PELI2: variants seen among roughly 807,000 people sequenced by gnomAD.
PELI2 encodes E3 ubiquitin-protein ligase pellino homolog 2.
PELI2 carries 23 observed loss-of-function variants against 42.3 expected under a neutral mutation model. That is an observed-to-expected ratio of 0.54 (90% CI 0.39 to 0.77). PELI2 has a LOEUF of 0.77. Ranked by LOEUF, PELI2 falls within the 30% of genes least tolerant of loss-of-function variation. PELI2 has a pLI of 0.00. For missense variants in PELI2, 463 were observed against 553.2 expected, an observed-to-expected ratio of 0.84 and a Z score of 1.64; for synonymous variants, 245 against 212.2, an observed-to-expected ratio of 1.15 and a Z score of -1.34.
At chr14:56,119,439 C>T (rs1315605456) in intron 1 of PELI2, among the ~76,000 whole-genome samples, 2 of 152,138 alleles carry the variant, frequency 1.3e-5, no homozygotes, top group South Asian at 4.1e-4. Context: ...GGCACCGGGG[C>T]GCGGGCCGTA....
At chr14:56,259,356 A>G (rs1049211340) in intron 2 of PELI2, among the ~76,000 whole-genome samples, 1 of 152,170 alleles carries the variant, frequency 6.6e-6, no homozygotes, top group Non-Finnish European at 1.5e-5. Flanking sequence ...TTAAAAGAAT[A>G]TTGACTTTTA....
intron 1 of PELI2, among the ~76,000 whole-genome samples, chr14:56,122,511 A>G (rs1566592148): frequency 6.6e-6 from 1 of 152,084 alleles, no homozygotes; most frequent in African/African-American, 2.4e-5. Flanking sequence ...TTGCTGACTA[A>G]TGGCCCATGG....
intron 2 of PELI2, among the ~76,000 whole-genome samples, chr14:56,258,141 C>G (rs1456158629): frequency 6.6e-6 from 1 of 152,128 alleles, no homozygotes; most frequent in Non-Finnish European, 1.5e-5. Context: ...AGAGTGTCAC[C>G]TTAGTAATGA....
Position 56,288,432 on chromosome 14 carries a change from C to T in PELI2, c.310-5C>T. The T allele has an allele frequency of 6.2e-7, 1 of 1,611,430 alleles. No homozygotes were observed. The highest frequency in any genetic ancestry group is 8.5e-7 in the Non-Finnish European group (1 of 1,177,940). ...GTGAATCACGAGTACATTTGATTTA[C>T]TTAGGTGGGCAGATCAACAGAAAGC... is the stretch of plus-strand genomic sequence containing the variant. On this transcript the variant is annotated splice_polypyrimidine_tract_variant and splice_region_variant and intron_variant, in intron 3 of 5. Transcript: ENST00000267460. This position sits in a 1 kb window ranked among gnomAD's most constrained non-coding sequence, Gnocchi z 4.6.
At chr14:56,220,607 G>A (rs1887091306) in intron 2 of PELI2, among the ~76,000 whole-genome samples, 1 of 152,130 alleles carries the variant, frequency 6.6e-6, no homozygotes, top group Admixed American at 6.6e-5. Context: ...TGCACTTTTG[G>A]TTTGAAATTT....
intron 2 of PELI2, among the ~76,000 whole-genome samples, chr14:56,242,360 TTTATA>T (rs1459370480): frequency 6.6e-6 from 1 of 152,152 alleles, no homozygotes; most frequent in Non-Finnish European, 1.5e-5. Flanking sequence ...ACAAAATTAT[TTTATA>T]TTAGCAGCTT....
chr14:56,215,113 C>T (rs1200512588), intron 2 of PELI2, among the ~76,000 whole-genome samples: 1 of 152,186 alleles, frequency 6.6e-6, no homozygotes, highest in African/African-American at 2.4e-5. Flanking sequence ...TTGAGCTTCT[C>T]TTATCTATGT....
At chr14:56,139,371 A>G (rs1209899938) in intron 1 of PELI2, among the ~76,000 whole-genome samples, 2 of 152,192 alleles carry the variant, frequency 1.3e-5, no homozygotes, top group African/African-American at 4.8e-5. Flanking sequence ...TGAAACTATG[A>G]AAATTGATTG....
At chr14:56,251,801 G>A (rs1179299543) in intron 2 of PELI2, among the ~76,000 whole-genome samples, 1 of 152,206 alleles carries the variant, frequency 6.6e-6, no homozygotes, top group Admixed American at 6.5e-5. Context: ...AGCTAGCATA[G>A]CATAGCATAT....
intron 4 of PELI2, among the ~76,000 whole-genome samples, chr14:56,289,715 G>A (rs1183110783): frequency 2.6e-5 from 4 of 152,070 alleles, no homozygotes; most frequent in Admixed American, 6.5e-5. Flanking sequence ...CTGTCCTGTC[G>A]TCATGTCAAG....
At chr14:56,193,193 C>T (rs1390889392) in intron 2 of PELI2, among the ~76,000 whole-genome samples, 4 of 152,218 alleles carry the variant, frequency 2.6e-5, no homozygotes, top group African/African-American at 9.7e-5. Context: ...CTCTGAGCCT[C>T]TGTCTTCCCA....
intron 1 of PELI2, among the ~76,000 whole-genome samples, chr14:56,154,876 C>T (rs1023489228): frequency 1.1e-4 from 17 of 152,104 alleles, no homozygotes; most frequent in African/African-American, 2.4e-4. Flanking sequence ...ACATTCTTAA[C>T]GGTAGTATGT....
chr14:56,130,029 T>G (rs1340778385), intron 1 of PELI2, among the ~76,000 whole-genome samples: 1 of 151,526 alleles, frequency 6.6e-6, no homozygotes, highest in Non-Finnish European at 1.5e-5. Flanking sequence ...CAGTTAAAAA[T>G]GATCCTTAAA....
intron 2 of PELI2, among the ~76,000 whole-genome samples, chr14:56,278,555 CATAAA>C (rs1201930253): frequency 6.6e-6 from 1 of 152,080 alleles, no homozygotes; most frequent in Non-Finnish European, 1.5e-5. Context: ...TAAGGAAGCA[CATAAA>C]ATAAAACATC....
intron 1 of PELI2, among the ~76,000 whole-genome samples, chr14:56,125,701 G>T (rs1182823860): frequency 6.6e-6 from 1 of 152,192 alleles, no homozygotes; most frequent in South Asian, 2.1e-4. Flanking sequence ...AGATAGTTAA[G>T]TATCCCTGGA....
chr14:56,169,312 T>C (rs369386708), intron 1 of PELI2, among the ~76,000 whole-genome samples: 6 of 152,156 alleles, frequency 3.9e-5, no homozygotes, highest in Non-Finnish European at 8.8e-5. Flanking sequence ...CCTCCAAGTT[T>C]ACATGGAGAC....
rs1886183882 is a variant in PELI2 at position 56,197,923 on chromosome 14, A to G, written c.207+19459A>G. On this transcript the variant is annotated intron_variant, in intron 2 of 5. Transcript: ENST00000267460. This position sits in a 1 kb window ranked among gnomAD's most constrained non-coding sequence, Gnocchi z 4.9. Reference sequence around the variant, plus strand: ...GGAATGGTGACTGGTGAAGACACACACACACACACACACACACACACACAC... The same window carrying G: ...GGAATGGTGACTGGTGAAGACACACGCACACACACACACACACACACACAC... Among the ~76,000 whole-genome samples, 1 of 46,062 alleles carries G rather than the reference A, an allele frequency of 2.2e-5. No individual in the cohort carries two copies. The highest frequency in any genetic ancestry group is 6.5e-5 in the Non-Finnish European group (1 of 15,292). 30.2% of individuals were successfully genotyped at this position (46,062 alleles called of 152,430 possible).
At chr14:56,193,992 AT>A (rs1370988042) in intron 2 of PELI2, among the ~76,000 whole-genome samples, 3 of 151,974 alleles carry the variant, frequency 2.0e-5, no homozygotes, top group Non-Finnish European at 4.4e-5. Flanking sequence ...GCTCTTGTTA[AT>A]TTTTTCATTG....
At chr14:56,291,244 AAGG>A (rs1302157009) in intron 5 of PELI2, among the ~76,000 whole-genome samples, 2 of 152,198 alleles carry the variant, frequency 1.3e-5, no homozygotes, top group Admixed American at 6.5e-5. Context: ...GCTAGAAAAG[AAGG>A]AGTTCTTCAA....
Sources: allele counts gnomAD v4.1 joint callset (sites outside exome capture counted in the v4.1 genomes callset), GRCh38; gene constraint gnomAD v4.1.1; non-coding constraint Gnocchi (gnomAD v3.1); transcripts MANE v1.5; gene names NCBI Gene and HGNC (gene_info 2026-07-23, HGNC 2026-07-21).